The following GRIN2A variants were observed in gnomAD, a reference collection of about 807,000 sequenced individuals.
GRIN2A encodes the protein glutamate ionotropic receptor NMDA type subunit 2A.
GRIN2A carries 22 observed loss-of-function variants against 113.4 expected under a neutral mutation model. That is an observed-to-expected ratio of 0.19 (90% confidence interval 0.14 to 0.28). The LOEUF (loss-of-function observed/expected upper bound fraction) is 0.28, where lower values mean the gene tolerates loss of function less well. Among genes scored for constraint, GRIN2A ranks in the 10% least tolerant of loss-of-function variants. The pLI is 1.00. For missense variants in GRIN2A, 1,502 were observed against 1,887.0 expected (o/e 0.80, Z 3.78); for synonymous variants, 827 against 738.4 (o/e 1.12, Z -1.94).
intron 2 of GRIN2A, among the ~76,000 whole-genome samples, chr16:9,991,563 C>T (rs1267703407): frequency 1.3e-5 from 2 of 152,164 alleles, no homozygotes; most frequent in Non-Finnish European, 2.9e-5. Context: ...ATTCCCCTCA[C>T]CTTCGAGTCT....
chr16:10,029,768 G>T (rs535891684), intron 2 of GRIN2A, among the ~76,000 whole-genome samples: 17 of 152,212 alleles, frequency 1.1e-4, no homozygotes, highest in Admixed American at 4.6e-4. Context: ...GCCGAAGGGG[G>T]TGTAGATCAC....
chr16:9,786,284 A>T (rs1044614338), intron 11 of GRIN2A, among the ~76,000 whole-genome samples: 6 of 152,094 alleles, frequency 3.9e-5, no homozygotes, highest in Admixed American at 3.3e-4. Context: ...TCTTAATTAC[A>T]TTCTGTCCTT....
At chr16:9,839,636 G>C (rs1164304558) in intron 7 of GRIN2A, among the ~76,000 whole-genome samples, 1 of 152,134 alleles carries the variant, frequency 6.6e-6, no homozygotes, top group Non-Finnish European at 1.5e-5. Flanking sequence ...GATGGAGGAT[G>C]GATATGTAGA....
intron 2 of GRIN2A, among the ~76,000 whole-genome samples, chr16:10,006,266 GT>G (rs917996467): frequency 1.3e-5 from 2 of 151,972 alleles, no homozygotes; most frequent in Non-Finnish European, 2.9e-5. Flanking sequence ...TTTAAACCCA[GT>G]TTTTTTACAA....
rs751762600 is a variant in GRIN2A, at chr16:9,764,890, A to C, written c.2654T>G (p.Phe885Cys). The C allele has an allele frequency of 1.2e-6, 2 of 1,614,110 alleles. No individual in the cohort carries two copies. The highest frequency in any genetic ancestry group is 3.3e-4 in the Middle Eastern group (2 of 6,062). The change falls in exon 13 of 13, where the codon TTC becomes TGC. Residue 885 changes from phenylalanine (F) to cysteine (C), a missense_variant. Phe to Cys is a radical substitution (Grantham distance 205, BLOSUM62 -2). Coordinates refer to ENST00000330684, the MANE Select transcript of GRIN2A (RefSeq NM_001134407.3). ...GTTGCTCTGGGATCCCGTCAGATTG[A>C]AGTCTGGAGACTTCTTCTTTTCTTC... is the stretch of plus-strand genomic sequence containing the variant. Reference protein sequence around the residue: ...HIEEKKKSPDFNLTGSQSNML... With the variant: ...HIEEKKKSPDCNLTGSQSNML...
At chr16:9,985,705 T>C (rs1028356700) in intron 2 of GRIN2A, among the ~76,000 whole-genome samples, 1 of 150,942 alleles carries the variant, frequency 6.6e-6, no homozygotes, top group Non-Finnish European at 1.5e-5. Flanking sequence ...CTAGGAAGGG[T>C]AGTTGGGGGA....
At chr16:10,004,313 C>A (rs887974113) in intron 2 of GRIN2A, among the ~76,000 whole-genome samples, 5 of 151,012 alleles carry the variant, frequency 3.3e-5, no homozygotes, top group African/African-American at 9.8e-5. Flanking sequence ...CGCTTGAACC[C>A]GGGAGGCAGA....
intron 2 of GRIN2A, among the ~76,000 whole-genome samples, chr16:10,093,108 T>G (rs1189652843): frequency 1.3e-5 from 2 of 152,124 alleles, no homozygotes; most frequent in Non-Finnish European, 2.9e-5. Context: ...CAAAGTGCTC[T>G]GATTACAGGC....
intron 2 of GRIN2A, among the ~76,000 whole-genome samples, chr16:10,126,599 T>C (rs1251148610): frequency 6.6e-6 from 1 of 152,198 alleles, no homozygotes; most frequent in Non-Finnish European, 1.5e-5. Context: ...TTTAGGGTGT[T>C]TTGTCTTTTT....
chr16:10,159,102 C>T (rs1028645693), intron 2 of GRIN2A, among the ~76,000 whole-genome samples: 7 of 152,120 alleles, frequency 4.6e-5, no homozygotes, highest in Admixed American at 3.3e-4. Context: ...CAAAAATAAG[C>T]TTCTGTGATT....
intron 10 of GRIN2A, among the ~76,000 whole-genome samples, chr16:9,799,459 C>T (rs1362535195): frequency 1.3e-5 from 2 of 152,200 alleles, no homozygotes; most frequent in African/African-American, 4.8e-5. Context: ...ATCTAGCCTC[C>T]AGAGCTGCGA....
chr16:10,048,687 G>T (rs2141978905), intron 2 of GRIN2A, among the ~76,000 whole-genome samples: 1 of 152,252 alleles, frequency 6.6e-6, no homozygotes, highest in East Asian at 1.9e-4. Flanking sequence ...GCATTCCTCG[G>T]GCTGTTGAAT....
chr16:10,006,359 C>G (rs1000714244), intron 2 of GRIN2A, among the ~76,000 whole-genome samples: 6 of 152,212 alleles, frequency 3.9e-5, no homozygotes, highest in Admixed American at 3.9e-4. Flanking sequence ...GAGCTGTGTG[C>G]AAGACAAAAT....
At chr16:9,867,781 C>G (rs1338121536) in intron 4 of GRIN2A, among the ~76,000 whole-genome samples, 2 of 152,134 alleles carry the variant, frequency 1.3e-5, no homozygotes, top group Non-Finnish European at 2.9e-5. Context: ...CTGAACACAT[C>G]TGACTTGTCT....
chr16:10,157,076 G>C (rs1421807001), intron 2 of GRIN2A, among the ~76,000 whole-genome samples: 1 of 152,168 alleles, frequency 6.6e-6, no homozygotes, highest in Non-Finnish European at 1.5e-5. Context: ...TAAGAGTGGA[G>C]AGTAACATGT....
At chr16:9,891,770 G>C (rs1435206998) in intron 3 of GRIN2A, among the ~76,000 whole-genome samples, 1 of 152,152 alleles carries the variant, frequency 6.6e-6, no homozygotes, top group African/African-American at 2.4e-5. Flanking sequence ...AGGCAAAAGA[G>C]GCAACATGTG....
intron 5 of GRIN2A, among the ~76,000 whole-genome samples, chr16:9,848,661 A>G (rs1192135395): frequency 6.9e-6 from 1 of 145,796 alleles, no homozygotes; most frequent in Non-Finnish European, 1.5e-5. Flanking sequence ...TATTTAATAC[A>G]TAAAATATAT....
At position 9,758,221 on chromosome 16, in the gene GRIN2A, A is replaced by G. The variant is rs1023180010; in HGVS notation, c.*4928T>C. On this transcript the variant is annotated 3_prime_UTR_variant, in exon 13 of 13. Coordinates refer to ENST00000330684, the MANE Select transcript of GRIN2A (RefSeq NM_001134407.3). ...ACTGAAAGTACTGCTGGGCACAGAA[A>G]GAGTGCAGGTGAGGAAAGAGGATAA... The G allele has an allele frequency of 4.5e-5, 10 of 222,088 alleles. No homozygotes were observed. Among genetic ancestry groups the G allele is most frequent in the South Asian group, 1.8e-4 (1 of 5,452 alleles). 13.8% of individuals were successfully genotyped at this position (222,088 alleles called of 1,614,324 possible).
intron 2 of GRIN2A, among the ~76,000 whole-genome samples, chr16:10,052,808 A>T (rs1428429370): frequency 6.6e-6 from 1 of 152,020 alleles, no homozygotes; most frequent in African/African-American, 2.4e-5. Context: ...AGCACTTTGG[A>T]AGGCCAAGGT....
Sources: allele counts gnomAD v4.1 joint callset (sites outside exome capture counted in the v4.1 genomes callset), GRCh38; gene constraint gnomAD v4.1.1; transcripts MANE v1.5; gene names NCBI Gene and HGNC (gene_info 2026-07-23, HGNC 2026-07-21).